CCDC57: variants seen among roughly 807,000 people sequenced by gnomAD.
The protein encoded by CCDC57 is coiled-coil domain-containing protein 57.
In CCDC57, 118 loss-of-function variants were observed where a neutral mutation model predicts 118.9. The observed-to-expected ratio is 0.99, with a 90% CI of 0.86 to 1.16. The LOEUF (loss-of-function observed/expected upper bound fraction) is 1.16. Among genes scored for constraint, CCDC57 ranks in the 50% most tolerant of loss-of-function variants. The pLI, the probability that CCDC57 is intolerant of heterozygous loss-of-function variation, is 0.00. For synonymous variants in CCDC57, 527 were observed against 532.9 expected, an observed-to-expected ratio of 0.99 and a Z score of 0.15; for missense variants, 1,300 against 1,320.7, an observed-to-expected ratio of 0.98 and a Z score of 0.24.
chr17:82,170,499 C>T (rs1421573619), intron 13 of CCDC57, among the ~76,000 whole-genome samples: 5 of 133,270 alleles, frequency 3.8e-5, no homozygotes, highest in African/African-American at 1.4e-4. Context: ...CAGAGCAAGA[C>T]TCTGTCCCAA....
chr17:82,132,118 C>CAAAAAAAAAAAAA (rs58856013), intron 17 of CCDC57, among the ~76,000 whole-genome samples: 3 of 101,924 alleles, frequency 2.9e-5, no homozygotes, highest in African/African-American at 1.1e-4. Flanking sequence ...GACTCTGTCT[C>CAAAAAAAAAAAAA]AAAAAAAAAA....
chr17:82,116,100 A>C (rs1457143239), intron 19 of CCDC57, among the ~76,000 whole-genome samples: 2 of 102,172 alleles, frequency 2.0e-5, no homozygotes, highest in African/African-American at 4.1e-5. Flanking sequence ...CCCGGCCACA[A>C]CCTTTTTTTT....
chr17:82,174,681 T>G (rs1354978507), intron 11 of CCDC57, among the ~76,000 whole-genome samples: 1 of 152,246 alleles, frequency 6.6e-6, no homozygotes, highest in Non-Finnish European at 1.5e-5. Flanking sequence ...GTGTCCGGCA[T>G]AGCATCTATG....
intron 19 of CCDC57, among the ~76,000 whole-genome samples, chr17:82,111,274 AT>A (rs2035222009): frequency 1.5e-5 from 2 of 137,554 alleles, no homozygotes; most frequent in Non-Finnish European, 3.1e-5. Context: ...TTTTTTTTGT[AT>A]TTTTTTTAGT....
intron 13 of CCDC57, 62 bp from the exon 13 acceptor site, chr17:82,163,419 A>G (rs1241793835): frequency 1.3e-6 from 2 of 1,583,238 alleles, no homozygotes; most frequent in Non-Finnish European, 1.7e-6. Flanking sequence ...CTTTCTGGGG[A>G]GACACACATC....
chr17:82,115,048 G>C (rs974319866), intron 19 of CCDC57, among the ~76,000 whole-genome samples: 3 of 152,222 alleles, frequency 2.0e-5, no homozygotes, highest in African/African-American at 4.8e-5. Context: ...CTGTGCATGG[G>C]CACCTAGTAC....
Position 82,127,889 on chromosome 17 carries a change from G to A in CCDC57, c.2702C>T (p.Thr901Met), listed in dbSNP as rs374792018. ...CTGCCGAGGTGATTTACAGGTCACC[G>A]TGTGGATGCTGTGTTGTGTCTAGAA... Residue 901 changes from threonine (T) to methionine (M), a missense_variant, in exon 19 of 20, where the codon ACG becomes ATG. By Grantham distance (81) the Thr-to-Met change is moderately conservative (BLOSUM62 -1). Transcript: ENST00000665763. The A allele has an allele frequency of 8.7e-6, 14 of 1,612,042 alleles. No individual in the cohort carries two copies. Among genetic ancestry groups the A allele is most frequent in the African/African-American group, 4.0e-5 (3 of 74,774 alleles).
intron 16 of CCDC57, chr17:82,145,990 CAGCCGAG>C (rs1299762053): frequency 6.7e-6 from 2 of 297,698 alleles, no homozygotes; most frequent in East Asian, 1.6e-4. Flanking sequence ...TGCCTGAAAG[CAGCCGAG>C]AGCCAGTGAA....
At chr17:82,205,174 C>T (rs1384721116) in intron 2 of CCDC57, among the ~76,000 whole-genome samples, 1 of 152,192 alleles carries the variant, frequency 6.6e-6, no homozygotes, top group Non-Finnish European at 1.5e-5. Context: ...GATGGAACAC[C>T]ACTGTGATCT....
intron 13 of CCDC57, among the ~76,000 whole-genome samples, chr17:82,165,562 C>T (rs192826198): frequency 3.4e-4 from 52 of 152,176 alleles, no homozygotes; most frequent in Non-Finnish European, 6.9e-4. Context: ...CAGGTGGAGC[C>T]CTTGGGACCA....
chr17:82,102,372 C>G (rs954058192), intron 19 of CCDC57, among the ~76,000 whole-genome samples: 11 of 152,258 alleles, frequency 7.2e-5, no homozygotes, highest in Non-Finnish European at 1.6e-4. Flanking sequence ...GTGGGCACCA[C>G]GTGGCCAGGC....
chr17:82,184,446 G>A lies in CCDC57; in HGVS notation c.1053-514C>T, dbSNP rs118074097. Among the ~76,000 whole-genome samples the A allele has an allele frequency of 9.7e-3, 1,471 of 152,320 alleles. 11 individuals carry two copies. The highest frequency in any genetic ancestry group is 0.015 in the Non-Finnish European group (993 of 68,030). On this transcript the variant is annotated intron_variant, in intron 8 of 19. Transcript: ENST00000665763. ...CACTAAATAACCTTAACAGCAGGAT[G>A]CCTCTGGGAGAATTACCCAAAATGG...
chr17:82,102,528 A>G (rs1317809709), intron 19 of CCDC57, among the ~76,000 whole-genome samples: 2 of 151,968 alleles, frequency 1.3e-5, no homozygotes, highest in African/African-American at 4.8e-5. Context: ...TCTATTTTTC[A>G]TTTTTTCAAT....
At chr17:82,210,507 A>G (rs1338647431) in intron 1 of CCDC57, among the ~76,000 whole-genome samples, 1 of 140,932 alleles carries the variant, frequency 7.1e-6, no homozygotes, top group Admixed American at 7.0e-5. Flanking sequence ...CCCCGTCTCT[A>G]CTAAAAATAC....
chr17:82,136,721 C>T (rs1396993205), intron 16 of CCDC57, among the ~76,000 whole-genome samples: 1 of 151,692 alleles, frequency 6.6e-6, no homozygotes, highest in Non-Finnish European at 1.5e-5. Flanking sequence ...CCTCAGCCTC[C>T]CAAGTAGCTG....
chr17:82,186,965 G>A (rs1301283279), intron 8 of CCDC57, among the ~76,000 whole-genome samples: 1 of 151,668 alleles, frequency 6.6e-6, no homozygotes, highest in Non-Finnish European at 1.5e-5. Flanking sequence ...GAGGCCGGGG[G>A]CGGTGGCTCA....
intron 19 of CCDC57, among the ~76,000 whole-genome samples, chr17:82,104,261 G>A (rs2034682532): frequency 6.6e-6 from 1 of 152,240 alleles, no homozygotes; most frequent in Non-Finnish European, 1.5e-5. Context: ...GGGAAACCAT[G>A]TGGACACACA....
intron 15 of CCDC57, among the ~76,000 whole-genome samples, chr17:82,153,010 T>A (rs1366895406): frequency 6.6e-6 from 1 of 152,198 alleles, no homozygotes; most frequent in Non-Finnish European, 1.5e-5. Context: ...GCAGCCCCCA[T>A]GAAGGCTCGC....
At chr17:82,140,430 AGGCT>A (rs2039865259) in intron 16 of CCDC57, among the ~76,000 whole-genome samples, 2 of 152,050 alleles carry the variant, frequency 1.3e-5, no homozygotes, top group African/African-American at 4.8e-5. Flanking sequence ...CATGCTGGTC[AGGCT>A]GGTCTCAAAC....
Sources: gnomAD v4.1 joint callset for allele counts (sites outside exome capture counted in the v4.1 genomes callset) on GRCh38, gnomAD v4.1.1 for gene constraint, MANE v1.5 for transcripts, NCBI Gene and HGNC (gene_info 2026-07-23, HGNC 2026-07-21) for gene names.